The following SYT11 variants were observed in gnomAD, a reference collection of about 807,000 sequenced individuals.
SYT11 encodes synaptotagmin 11, also known as synaptotagmin-11.
A neutral mutation model predicts 30.4 loss-of-function variants in SYT11; 12 were observed. The ratio of observed to expected loss-of-function variants is 0.39; its 90% CI spans 0.25 to 0.64. SYT11 has a LOEUF of 0.64. Ranked by LOEUF, SYT11 falls within the 30% of genes least tolerant of loss-of-function variation. The pLI is 0.45. For missense variants in SYT11, 412 were observed against 552.0 expected (o/e 0.75, Z 2.54); for synonymous variants, 204 against 216.0 (o/e 0.94, Z 0.49).
intron 1 of SYT11, among the ~76,000 whole-genome samples, chr1:155,865,074 C>T (rs1235110018): frequency 3.3e-5 from 5 of 152,100 alleles, no homozygotes; most frequent in Non-Finnish European, 5.9e-5. Context: ...GTTCACTGAA[C>T]GCTTACTACA....
rs1673024179 is a variant in SYT11, at chr1:155,883,986, T to A, written c.*2478T>A. 1 of 152,466 alleles carries A rather than the reference T, an allele frequency of 6.6e-6. No homozygotes were observed. The highest frequency in any genetic ancestry group is 2.1e-4 in the South Asian group (1 of 4,822). The allele number at this position is 152,466 out of a possible 1,614,324, so 9.4% of individuals were successfully genotyped here. A position where few individuals can be genotyped will look rare whatever the true frequency, so the allele number is the denominator to read the frequency against. The stretch of plus-strand genomic sequence containing the variant: ...CCACTAGTCTCTGTCCTATACCCCA[T>A]GAAATGTAAATACTGTATCATAAGT... On this transcript the variant is annotated 3_prime_UTR_variant, in exon 4 of 4. Coordinates refer to ENST00000368324, the MANE Select transcript of SYT11 (RefSeq NM_152280.5).
chr1:155,870,959 G>C (rs1672773486), intron 2 of SYT11, among the ~76,000 whole-genome samples: 1 of 152,196 alleles, frequency 6.6e-6, no homozygotes, highest in East Asian at 1.9e-4. Flanking sequence ...TTAGGGTAGA[G>C]GTGGCCCTCA....
chr1:155,880,743 T>C (rs1672946897), intron 3 of SYT11, 120 bp downstream of exon 3: 2 of 1,200,226 alleles, frequency 1.7e-6, no homozygotes, highest in African/African-American at 3.0e-5. Context: ...TCTGCTCCTC[T>C]TTCTGTAGAC....
chr1:155,868,462 A>T lies in SYT11; in HGVS notation c.532A>T (p.Ile178Phe). ...NFPKKALVVTIQEAHGLPVMD... is the reference protein window; with the variant it reads ...NFPKKALVVTFQEAHGLPVMD... ...CCCGAAAAAAGCCCTGGTGGTGACA[A>T]TCCAGGAGGCCCATGGGCTGCCAGT... is the stretch of plus-strand genomic sequence containing the variant. Residue 178 changes from isoleucine (I) to phenylalanine (F), a missense_variant, in exon 2 of 4, where the codon ATC becomes TTC. Physicochemically the swap from Ile to Phe is conservative, Grantham distance 21. Transcript: ENST00000368324. This position sits in a 1 kb window ranked among gnomAD's most constrained non-coding sequence, Gnocchi z 4.7. The T allele has an allele frequency of 6.2e-7, 1 of 1,614,064 alleles. No homozygotes were observed. Among genetic ancestry groups the T allele is most frequent in the Non-Finnish European group, 8.5e-7 (1 of 1,179,984 alleles).
Position 155,868,620 on chromosome 1 carries a change from T to C in SYT11, c.690T>C (p.Tyr230=). 1 of 1,614,208 alleles carries C rather than the reference T, an allele frequency of 6.2e-7. No individual in the cohort carries two copies. Among genetic ancestry groups the C allele is most frequent in the Non-Finnish European group, 8.5e-7 (1 of 1,180,030 alleles). Residue 230 remains tyrosine (Y), a synonymous_variant, in exon 2 of 4, where the codon TAT becomes TAC. Transcript: ENST00000368324. This position sits in a 1 kb window ranked among gnomAD's most constrained non-coding sequence, Gnocchi z 4.7. ...TGTTTGACGAGACCTTCACCTTCTATGGCATCCCCTACAGCCAGCTGCAGG... is the reference window on the plus strand; with the variant it reads ...TGTTTGACGAGACCTTCACCTTCTACGGCATCCCCTACAGCCAGCTGCAGG... ...DPVFDETFTF[Y]GIPYSQLQDL...
intron 2 of SYT11, among the ~76,000 whole-genome samples, chr1:155,869,263 CTTTTTT>C (rs767071892): frequency 1.2e-5 from 1 of 83,880 alleles, no homozygotes. Context: ...ATGTACATGT[CTTTTTT>C]TTTTTTTTTT....
intron 2 of SYT11, among the ~76,000 whole-genome samples, chr1:155,869,097 TTATA>T (rs1485491968): frequency 6.6e-6 from 1 of 152,132 alleles, no homozygotes; most frequent in African/African-American, 2.4e-5. Context: ...AGATCCTTCA[TTATA>T]TCAGGGATAT....
At chr1:155,880,671 CT>C (rs1470264786) in intron 3 of SYT11, 48 bp downstream of exon 3, 1 of 1,608,082 alleles carries the variant, frequency 6.2e-7, no homozygotes, top group Admixed American at 1.7e-5. Context: ...CCATCCCCGA[CT>C]CCTTGCCTGT....
intron 1 of SYT11, among the ~76,000 whole-genome samples, chr1:155,867,273 G>C (rs1557946807): frequency 6.6e-6 from 1 of 152,014 alleles, no homozygotes; most frequent in Non-Finnish European, 1.5e-5. Context: ...TGGTCAGTCT[G>C]GTCTTGAACT....
At position 155,868,282 on chromosome 1, in the gene SYT11, T is replaced by C. The variant is rs780488415; in HGVS notation, c.352T>C (p.Cys118Arg). The C allele has an allele frequency of 1.2e-6, 2 of 1,613,986 alleles. No individual in the cohort carries two copies. Among genetic ancestry groups the C allele is most frequent in the Admixed American group, 3.3e-5 (2 of 60,002 alleles). The change falls in exon 2 of 4, where the codon TGT (cysteine) becomes CGT (arginine). Residue 118 changes from cysteine to arginine, a missense_variant. Coordinates refer to ENST00000368324, the MANE Select transcript of SYT11 (RefSeq NM_152280.5). This position sits in a 1 kb window ranked among gnomAD's most constrained non-coding sequence, Gnocchi z 4.7. Reference sequence around the variant, plus strand: ...TCCCAGGGGGCCTAGCTCTGGATCTTGTATAGACCAATTACCCATCAAAAT... The same window carrying C: ...TCCCAGGGGGCCTAGCTCTGGATCTCGTATAGACCAATTACCCATCAAAAT... ...KDPRGPSSGSCIDQLPIKMDY... is the reference protein window; with the variant it reads ...KDPRGPSSGSRIDQLPIKMDY...
At chr1:155,878,818 G>A (rs1672912357) in intron 2 of SYT11, among the ~76,000 whole-genome samples, 1 of 151,872 alleles carries the variant, frequency 6.6e-6, no homozygotes, top group Non-Finnish European at 1.5e-5. Context: ...AGTGAGCCGA[G>A]GTCTCGCCAC....
rs777868456 is a variant in SYT11 at position 155,867,956 on chromosome 1, C to T, written c.35-9C>T. On this transcript the variant is annotated splice_polypyrimidine_tract_variant and intron_variant, in intron 1 of 3. Coordinates refer to ENST00000368324, the MANE Select transcript of SYT11 (RefSeq NM_152280.5). ...CCCGCCCTGACACATCTCTGATCTC[C>T]GCCTTCAGATGTGTCACCGGTGGTG... The T allele has an allele frequency of 1.6e-5, 25 of 1,596,658 alleles. No individual in the cohort carries two copies. The highest frequency in any genetic ancestry group is 4.5e-5 in the South Asian group (4 of 89,194).
At chr1:155,876,075 G>T (rs1672854159) in intron 2 of SYT11, among the ~76,000 whole-genome samples, 1 of 152,014 alleles carries the variant, frequency 6.6e-6, no homozygotes, top group African/African-American at 2.4e-5. Flanking sequence ...ATATAAGGTT[G>T]GTGATGAGCA....
At chr1:155,872,033 T>G (rs1339611216) in intron 2 of SYT11, among the ~76,000 whole-genome samples, 1 of 152,076 alleles carries the variant, frequency 6.6e-6, no homozygotes. Flanking sequence ...AAAAAGCTAC[T>G]GCACTCTAGC....
In SYT11 at chr1:155,883,012, G is replaced by A. The variant is rs2102569824; in HGVS notation, c.*1504G>A. 1 of 152,472 alleles carries A rather than the reference G, an allele frequency of 6.6e-6. No homozygotes were observed. The highest frequency in any genetic ancestry group is 6.5e-5 in the Admixed American group (1 of 15,304). The allele number at this position is 152,472 out of a possible 1,614,324, so 9.4% of individuals were successfully genotyped here. On this transcript the variant is annotated 3_prime_UTR_variant, in exon 4 of 4. Transcript: ENST00000368324. Reference sequence around the variant, plus strand: ...AATGAAGATAAGTTGGATTCTTTCAGAGCATTCTTTTCCTCAAAACGAGCT... The same window carrying A: ...AATGAAGATAAGTTGGATTCTTTCAAAGCATTCTTTTCCTCAAAACGAGCT...
In SYT11 at chr1:155,881,510, C is replaced by T. The variant is rs1470988240; in HGVS notation, c.*2C>T. ...TGGCACAGTCTGAGCGAGTACTAAT[C>T]CTGTTCTTCTCTCCTCTAATCCCCG... On this transcript the variant is annotated 3_prime_UTR_variant, in exon 4 of 4. Coordinates refer to ENST00000368324, the MANE Select transcript of SYT11 (RefSeq NM_152280.5). The T allele has an allele frequency of 3.8e-6, 6 of 1,590,214 alleles. No individual in the cohort carries two copies. The highest frequency in any genetic ancestry group is 5.2e-6 in the Non-Finnish European group (6 of 1,163,622).
At position 155,872,641 on chromosome 1, in the gene SYT11, G is replaced by C. The variant is rs917071691; in HGVS notation, c.861+3850G>C. Among the ~76,000 whole-genome samples the C allele has an allele frequency of 2.6e-5, 4 of 152,160 alleles. 1 individual carries two copies. The South Asian group carries it at 8.3e-4, about 32-fold the overall frequency. On this transcript the variant is annotated intron_variant, in intron 2 of 3. Transcript: ENST00000368324. Reference sequence around the variant, plus strand: ...CCCCAACAGGGCCTTTGCCTCACTAGGCCAAGGGGCTGGGAAACAGAGCTT... The same window carrying C: ...CCCCAACAGGGCCTTTGCCTCACTACGCCAAGGGGCTGGGAAACAGAGCTT...
chr1:155,870,413 C>T (rs1488606575), intron 2 of SYT11, among the ~76,000 whole-genome samples: 2 of 152,124 alleles, frequency 1.3e-5, no homozygotes, highest in African/African-American at 4.8e-5. Context: ...AAGTTTGATA[C>T]CTGGGTGATG....
chr1:155,883,551 T>G lies in SYT11; in HGVS notation c.*2043T>G, dbSNP rs1054512166. The stretch of plus-strand genomic sequence containing the variant: ...CCTGTCTCAAAAATTAATTAATTAA[T>G]TAATTAAAATAAACTAGGTAAACTT... On this transcript the variant is annotated 3_prime_UTR_variant, in exon 4 of 4. Transcript: ENST00000368324. 6.6e-6 allele frequency: 1 copy of G among 151,930 alleles called. No individual in the cohort carries two copies. The highest frequency in any genetic ancestry group is 1.5e-5 in the Non-Finnish European group (1 of 68,018). The allele number at this position is 151,930 out of a possible 1,614,324, so 9.4% of individuals were successfully genotyped here.
Sources: gnomAD v4.1 joint callset for allele counts (sites outside exome capture counted in the v4.1 genomes callset) on GRCh38, gnomAD v4.1.1 for gene constraint, Gnocchi (gnomAD v3.1) non-coding constraint, MANE v1.5 for transcripts, NCBI Gene and HGNC (gene_info 2026-07-23, HGNC 2026-07-21) for gene names.